IGSF21: variants seen among roughly 807,000 people sequenced by gnomAD.
IGSF21 encodes immunoglobulin superfamily member 21.
IGSF21 carries 28 observed loss-of-function variants against 46.8 expected under a neutral mutation model. The observed-to-expected ratio is 0.60, with a 90% CI of 0.44 to 0.82. The LOEUF is 0.82. Among genes scored for constraint, IGSF21 ranks in the 40% least tolerant of loss-of-function variants. The probability of loss-of-function intolerance (pLI) is 0.00; values close to 1 mark genes in which losing one functional copy is unlikely to be tolerated. For synonymous variants in IGSF21, 284 were observed against 273.6 expected (o/e 1.04, Z -0.38); for missense variants, 624 against 665.5 (o/e 0.94, Z 0.69).
intron 4 of IGSF21, among the ~76,000 whole-genome samples, chr1:18,348,524 G>A (rs1162126722): frequency 6.6e-6 from 1 of 152,168 alleles, no homozygotes; most frequent in East Asian, 1.9e-4. Context: ...TCCAGCAGAA[G>A]GTAAACTTCC....
chr1:18,163,076 A>T lies in IGSF21; in HGVS notation c.70+54878A>T, dbSNP rs548876672. Among the ~76,000 whole-genome samples, 151 of 152,256 alleles carry T rather than the reference A, an allele frequency of 9.9e-4. 2 individuals carry two copies. Among genetic ancestry groups the T allele is most frequent in the African/African-American group, 3.6e-3 (149 of 41,538 alleles). ...AGTCATTCTAGGGTGATTCTTCTGA[A>T]TGAAAGATGTTTCCATGGGGCTTGG... On this transcript the variant is annotated intron_variant, in intron 1 of 9. Coordinates refer to ENST00000251296, the MANE Select transcript of IGSF21 (RefSeq NM_032880.5).
At chr1:18,288,833 C>T (rs1234304259) in intron 2 of IGSF21, among the ~76,000 whole-genome samples, 1 of 152,226 alleles carries the variant, frequency 6.6e-6, no homozygotes, top group Non-Finnish European at 1.5e-5. Context: ...CTGAGATAAG[C>T]ACTTGTCTCC....
chr1:18,108,229 G>C (rs1271181281), intron 1 of IGSF21, 31 bp downstream of exon 1: 1 of 1,336,476 alleles, frequency 7.5e-7, no homozygotes. Context: ...CGGGAGCCGA[G>C]CGGTGAACGT....
intron 1 of IGSF21, among the ~76,000 whole-genome samples, chr1:18,223,376 G>C (rs910500539): frequency 6.6e-6 from 1 of 152,234 alleles, no homozygotes; most frequent in African/African-American, 2.4e-5. Context: ...GAATTCCCAA[G>C]AGACCCCATC....
At chr1:18,324,882 G>T (rs759608477) in intron 3 of IGSF21, among the ~76,000 whole-genome samples, 1 of 152,176 alleles carries the variant, frequency 6.6e-6, no homozygotes, top group Non-Finnish European at 1.5e-5. Flanking sequence ...GGGTTATTCC[G>T]TCTTCGGTAT....
chr1:18,259,630 AAG>A (rs1207653906), intron 2 of IGSF21, among the ~76,000 whole-genome samples: 2 of 152,108 alleles, frequency 1.3e-5, no homozygotes, highest in African/African-American at 2.4e-5. Context: ...TTATATAAAG[AAG>A]AGAGAGAGAA....
intron 4 of IGSF21, among the ~76,000 whole-genome samples, chr1:18,341,012 C>CTTTTCTTCTTCT (rs1408481162): frequency 1.2e-5 from 1 of 84,984 alleles, no homozygotes; most frequent in African/African-American, 5.1e-5. Flanking sequence ...CCTCCTTCTT[C>CTTTTCTTCTTCT]TCTTCTTCTT....
At chr1:18,156,328 G>A (rs946179995) in intron 1 of IGSF21, among the ~76,000 whole-genome samples, 2 of 152,192 alleles carry the variant, frequency 1.3e-5, no homozygotes, top group African/African-American at 2.4e-5. Context: ...GGCACTCCTC[G>A]CTGGCCAAGC....
chr1:18,182,709 T>C (rs2086868411), intron 1 of IGSF21, among the ~76,000 whole-genome samples: 1 of 152,196 alleles, frequency 6.6e-6, no homozygotes, highest in African/African-American at 2.4e-5. Context: ...CTTTCCTGAG[T>C]TCTGTCCTTT....
At chr1:18,256,811 C>T (rs2084896900) in intron 2 of IGSF21, among the ~76,000 whole-genome samples, 1 of 152,190 alleles carries the variant, frequency 6.6e-6, no homozygotes, top group African/African-American at 2.4e-5. Flanking sequence ...ACTTTTCCAT[C>T]CGCTAGCCTA....
At chr1:18,172,290 T>A (rs1469661627) in intron 1 of IGSF21, among the ~76,000 whole-genome samples, 1 of 152,152 alleles carries the variant, frequency 6.6e-6, no homozygotes, top group Non-Finnish European at 1.5e-5. Flanking sequence ...TTGGTAAGAG[T>A]CTGTTTTCCT....
At chr1:18,318,048 A>G (rs902765528) in intron 3 of IGSF21, among the ~76,000 whole-genome samples, 1 of 152,202 alleles carries the variant, frequency 6.6e-6, no homozygotes, top group Non-Finnish European at 1.5e-5. Flanking sequence ...TGAAGAATGC[A>G]TGGGAAAGGT....
chr1:18,346,620 C>T (rs2085895686), intron 4 of IGSF21, among the ~76,000 whole-genome samples: 1 of 152,134 alleles, frequency 6.6e-6, no homozygotes, highest in African/African-American at 2.4e-5. Context: ...GGAGATGGTC[C>T]TCTGAGAAGG....
At chr1:18,321,050 C>A (rs1388952980) in intron 3 of IGSF21, among the ~76,000 whole-genome samples, 4 of 152,220 alleles carry the variant, frequency 2.6e-5, no homozygotes, top group African/African-American at 9.6e-5. Context: ...GGTCAAGCAC[C>A]ATCTCTTTGA....
At chr1:18,210,592 C>A (rs865811635) in intron 1 of IGSF21, among the ~76,000 whole-genome samples, 42 of 152,122 alleles carry the variant, frequency 2.8e-4, no homozygotes, top group African/African-American at 9.4e-4. Context: ...CACGTGCATA[C>A]CCCCCTGAAG....
chr1:18,347,359 G>C (rs1003077750), intron 4 of IGSF21, among the ~76,000 whole-genome samples: 12 of 152,176 alleles, frequency 7.9e-5, no homozygotes, highest in African/African-American at 2.9e-4. Flanking sequence ...ACAGCAGTGA[G>C]TGGCGCTGAG....
chr1:18,199,847 T>G (rs1167630587), intron 1 of IGSF21, among the ~76,000 whole-genome samples: 8 of 152,168 alleles, frequency 5.3e-5, no homozygotes, highest in African/African-American at 1.7e-4. Context: ...CTTCGTCAGA[T>G]AAGGTGCTCT....
At chr1:18,287,800 A>G (rs937211157) in intron 2 of IGSF21, among the ~76,000 whole-genome samples, 3 of 152,102 alleles carry the variant, frequency 2.0e-5, no homozygotes, top group Non-Finnish European at 4.4e-5. Flanking sequence ...CCCACTCCTT[A>G]TAGACACAAC....
At chr1:18,311,908 A>G (rs1191392512) in intron 3 of IGSF21, among the ~76,000 whole-genome samples, 1 of 152,230 alleles carries the variant, frequency 6.6e-6, no homozygotes, top group Non-Finnish European at 1.5e-5. Flanking sequence ...CTACAATTCA[A>G]GATGAAATCT....
Sources: allele counts gnomAD v4.1 joint callset (sites outside exome capture counted in the v4.1 genomes callset), GRCh38; gene constraint gnomAD v4.1.1; transcripts MANE v1.5; gene names NCBI Gene and HGNC (gene_info 2026-07-23, HGNC 2026-07-21).